Variants in RABGAP1 observed in about 807,000 individuals in gnomAD.
RABGAP1 encodes the protein rab GTPase-activating protein 1.
In RABGAP1, 23 loss-of-function variants were observed where a neutral mutation model predicts 137.6. The observed-to-expected ratio is 0.17, with a 90% CI of 0.12 to 0.24. The LOEUF (loss-of-function observed/expected upper bound fraction) is 0.24. RABGAP1 is among the 10% of genes least tolerant of loss of function. The pLI, the probability that RABGAP1 is intolerant of heterozygous loss-of-function variation, is 1.00. For synonymous variants in RABGAP1, 451 were observed against 450.7 expected (o/e 1.00, Z -0.01); for missense variants, 906 against 1,275.8 (o/e 0.71, Z 4.42).
chr9:123,073,268 A>G (rs918529896), intron 15 of RABGAP1, among the ~76,000 whole-genome samples: 3 of 152,196 alleles, frequency 2.0e-5, no homozygotes, highest in Admixed American at 2.0e-4. Context: ...TTCTTGTATT[A>G]TCACTGATGT....
At chr9:122,997,178 G>C in intron 8 of RABGAP1, 81 bp from the exon 9 acceptor site, 1 of 1,056,856 alleles carries the variant, frequency 9.5e-7, no homozygotes, top group Non-Finnish European at 1.4e-6. Context: ...GCAGCTTCTG[G>C]TTTTTAAAGG....
intron 21 of RABGAP1, among the ~76,000 whole-genome samples, chr9:123,094,986 T>C (rs1019599099): frequency 1.3e-5 from 2 of 152,202 alleles, no homozygotes; most frequent in Non-Finnish European, 2.9e-5. Context: ...TCATTTCTTT[T>C]TCCCACTTTT....
rs753013814 is a variant in RABGAP1 at position 123,010,308 on chromosome 9, A to G, written c.1375-46A>G. 3 of 1,490,574 alleles carry G rather than the reference A, an allele frequency of 2.0e-6. No homozygotes were observed. In the Admixed American group the frequency reaches 6.1e-5, roughly 30 times the overall value. 92.3% of individuals were successfully genotyped at this position (1,490,574 alleles called of 1,614,324 possible). A position where few individuals can be genotyped will look rare whatever the true frequency, so the allele number is the denominator to read the frequency against. ...AAAAACACTGCAATTAATTAAAAAC[A>G]TAAAGAACTTTACTGCTTAATAAAT... is the stretch of plus-strand genomic sequence containing the variant. On this transcript the variant is annotated intron_variant, in intron 10 of 25. Transcript: ENST00000373647.
intron 10 of RABGAP1, among the ~76,000 whole-genome samples, chr9:123,002,533 A>G (rs2131840681): frequency 1.3e-5 from 2 of 151,778 alleles, no homozygotes; most frequent in South Asian, 2.1e-4. Flanking sequence ...ATCTAATGTT[A>G]TACAACCTTG....
chr9:123,091,420 A>G (rs1043621239), intron 21 of RABGAP1, among the ~76,000 whole-genome samples: 2 of 152,180 alleles, frequency 1.3e-5, no homozygotes, highest in Non-Finnish European at 2.9e-5. Context: ...TAGAAAGACT[A>G]TGGTTTCATC....
At chr9:123,063,184 A>T (rs1401160357) in intron 13 of RABGAP1, 1 of 152,452 alleles carries the variant, frequency 6.6e-6, no homozygotes, top group East Asian at 1.9e-4. Flanking sequence ...AATATTTTGA[A>T]CGTTTCCATA....
At chr9:123,027,715 G>A (rs1388689271) in intron 13 of RABGAP1, among the ~76,000 whole-genome samples, 1 of 152,198 alleles carries the variant, frequency 6.6e-6, no homozygotes, top group East Asian at 1.9e-4. Flanking sequence ...TCTCTGAACT[G>A]AGGTAGCTGA....
intron 13 of RABGAP1, among the ~76,000 whole-genome samples, chr9:123,048,186 A>G (rs2033304847): frequency 6.6e-6 from 1 of 152,044 alleles, no homozygotes; most frequent in Non-Finnish European, 1.5e-5. Flanking sequence ...TGATCCGTCC[A>G]TCTTGGCCTC....
chr9:122,994,875 G>T (rs965310911), intron 6 of RABGAP1, among the ~76,000 whole-genome samples: 1 of 152,130 alleles, frequency 6.6e-6, no homozygotes, highest in African/African-American at 2.4e-5. Flanking sequence ...CCAGCACTTG[G>T]GGAGGCTGAG....
chr9:123,092,063 G>C (rs569038717), intron 21 of RABGAP1, among the ~76,000 whole-genome samples: 7 of 152,268 alleles, frequency 4.6e-5, no homozygotes, highest in Admixed American at 2.0e-4. Flanking sequence ...AAAAAAATAT[G>C]GGTCTTGAAT....
chr9:123,022,634 T>C (rs10985867), intron 13 of RABGAP1, among the ~76,000 whole-genome samples: 9,906 of 152,046 alleles, frequency 0.065, 393 homozygotes, highest in African/African-American at 0.083. Context: ...CTCGAACTCC[T>C]GACCTCATGA....
chr9:123,046,527 G>C (rs763714301), intron 13 of RABGAP1, among the ~76,000 whole-genome samples: 103 of 152,262 alleles, frequency 6.8e-4, no homozygotes, highest in Non-Finnish European at 1.3e-3. Flanking sequence ...GTGAGACCTG[G>C]GGCAAAGTAC....
At chr9:122,966,005 T>C (rs1564365072) in intron 2 of RABGAP1, among the ~76,000 whole-genome samples, 1 of 152,128 alleles carries the variant, frequency 6.6e-6, no homozygotes. Flanking sequence ...TTAGTCTAAA[T>C]CTGAACTAAA....
At chr9:122,943,316 G>T (rs1240901509) in intron 1 of RABGAP1, among the ~76,000 whole-genome samples, 2 of 151,904 alleles carry the variant, frequency 1.3e-5, no homozygotes, top group Admixed American at 1.3e-4. Flanking sequence ...TGATCCACCT[G>T]CCTCAGCCTC....
chr9:123,084,299 A>G (rs2034801996), intron 19 of RABGAP1, among the ~76,000 whole-genome samples: 1 of 152,246 alleles, frequency 6.6e-6, no homozygotes, highest in Non-Finnish European at 1.5e-5. Flanking sequence ...ATTAAACAGG[A>G]AGATAGACTT....
intron 15 of RABGAP1, among the ~76,000 whole-genome samples, chr9:123,072,664 C>T (rs2034391954): frequency 1.3e-5 from 2 of 152,202 alleles, no homozygotes; most frequent in Non-Finnish European, 2.9e-5. Context: ...CTTCAAAGAT[C>T]TGGGCTTTTG....
At chr9:122,936,841 G>C (rs1833394751), upstream of RABGAP1, among the ~76,000 whole-genome samples, 1 of 152,196 alleles carries the variant, frequency 6.6e-6, no homozygotes, top group Non-Finnish European at 1.5e-5. Context: ...GGGGAAAGTA[G>C]AAAGCTACTG....
intron 13 of RABGAP1, among the ~76,000 whole-genome samples, chr9:123,032,546 G>A (rs2032361817): frequency 6.6e-6 from 1 of 152,130 alleles, no homozygotes; most frequent in Non-Finnish European, 1.5e-5. Context: ...TCTGATTATG[G>A]GTGGCCATTT....
intron 13 of RABGAP1, chr9:123,020,975 A>G (rs571064871): frequency 1.3e-6 from 1 of 756,300 alleles, no homozygotes; most frequent in East Asian, 1.3e-4. Context: ...TTGCAAGCAA[A>G]ACAAGAAAAA....
Sources: allele counts gnomAD v4.1 joint callset (sites outside exome capture counted in the v4.1 genomes callset), GRCh38; gene constraint gnomAD v4.1.1; transcripts MANE v1.5; gene names NCBI Gene and HGNC (gene_info 2026-07-23, HGNC 2026-07-21).